Variants in CTNNA2 observed in about 807,000 individuals in gnomAD.
CTNNA2 encodes catenin alpha-2.
A neutral mutation model predicts 101.0 loss-of-function variants in CTNNA2; 42 were observed. The observed-to-expected ratio is 0.42, with a 90% CI of 0.32 to 0.54. The LOEUF (loss-of-function observed/expected upper bound fraction) is 0.54, where lower values mean the gene tolerates loss of function less well. CTNNA2 is among the 20% of genes least tolerant of loss of function. CTNNA2 has a pLI of 0.14. For synonymous variants in CTNNA2, 450 were observed against 456.4 expected (o/e 0.99, Z 0.18); for missense variants, 871 against 1,223.1 (o/e 0.71, Z 4.29).
chr2:79,763,425 C>A (rs1390718668), intron 3 of CTNNA2, among the ~76,000 whole-genome samples: 2 of 152,108 alleles, frequency 1.3e-5, no homozygotes. Flanking sequence ...CTTCTCCATC[C>A]AGAAAATAAC....
intron 2 of CTNNA2, among the ~76,000 whole-genome samples, chr2:79,655,811 A>G (rs1318696759): frequency 6.8e-6 from 1 of 148,070 alleles, no homozygotes; most frequent in East Asian, 2.1e-4. Context: ...CCTGGGCGAC[A>G]GAGCGAGACT....
chr2:79,739,688 A>C (rs1433977232), intron 2 of CTNNA2, among the ~76,000 whole-genome samples: 1 of 152,216 alleles, frequency 6.6e-6, no homozygotes, highest in Non-Finnish European at 1.5e-5. Flanking sequence ...AAAAGTCTAT[A>C]AGTACCATCT....
intron 15 of CTNNA2, among the ~76,000 whole-genome samples, chr2:80,599,769 AT>A (rs943895044): frequency 1.4e-4 from 22 of 151,942 alleles, no homozygotes; most frequent in East Asian, 5.8e-4. Flanking sequence ...GTAGTTCAAA[AT>A]TTTTTTTAAT....
intron 8 of CTNNA2, among the ~76,000 whole-genome samples, chr2:80,399,324 C>T (rs1380686707): frequency 1.3e-5 from 2 of 152,114 alleles, no homozygotes; most frequent in Non-Finnish European, 1.5e-5. Context: ...CAGTTGGAAA[C>T]GGTTCTTGAA....
chr2:79,494,876 C>G (rs1189984939), intron 4 of CTNNA2, among the ~76,000 whole-genome samples: 1 of 151,920 alleles, frequency 6.6e-6, no homozygotes, highest in Non-Finnish European at 1.5e-5. Flanking sequence ...TTTGGGAGGC[C>G]AAGGCGGGCG....
intron 7 of CTNNA2, among the ~76,000 whole-genome samples, chr2:80,146,709 G>GTT (rs1384506245): frequency 1.3e-4 from 9 of 70,462 alleles, no homozygotes; most frequent in Non-Finnish European, 1.9e-4. Context: ...AGTCCCCTCT[G>GTT]GTTTTTTTTT....
chr2:80,606,410 ACACCC>A (rs1698023950), intron 16 of CTNNA2, among the ~76,000 whole-genome samples: 9 of 60,334 alleles, frequency 1.5e-4, no homozygotes, highest in Non-Finnish European at 2.8e-4. Context: ...ACACACACAC[ACACCC>A]CCCAGGATAC....
At chr2:79,872,108 A>G (rs950240392) in intron 5 of CTNNA2, among the ~76,000 whole-genome samples, 14 of 152,250 alleles carry the variant, frequency 9.2e-5, no homozygotes, top group African/African-American at 3.4e-4. Context: ...ATTTAAAATC[A>G]TACTATGCAT....
At chr2:79,766,018 T>G (rs1184113302) in intron 3 of CTNNA2, among the ~76,000 whole-genome samples, 1 of 152,222 alleles carries the variant, frequency 6.6e-6, no homozygotes, top group Admixed American at 6.5e-5. Context: ...TTGTTTTGAT[T>G]GGTTCATGGT....
intron 4 of CTNNA2, among the ~76,000 whole-genome samples, chr2:79,859,314 G>A (rs560121790): frequency 9.2e-5 from 14 of 152,150 alleles, no homozygotes; most frequent in Admixed American, 2.0e-4. Context: ...TAACAAGAGC[G>A]TGCTCTCACC....
At chr2:79,995,918 G>A (rs1029375432) in intron 7 of CTNNA2, among the ~76,000 whole-genome samples, 9 of 152,152 alleles carry the variant, frequency 5.9e-5, no homozygotes, top group African/African-American at 2.2e-4. Context: ...ATTGGGTGGA[G>A]ACTCAATTTT....
At chr2:79,761,010 T>G (rs2105085364) in intron 3 of CTNNA2, among the ~76,000 whole-genome samples, 1 of 152,194 alleles carries the variant, frequency 6.6e-6, no homozygotes, top group East Asian at 1.9e-4. Flanking sequence ...TTGCCAAATA[T>G]TAATGCCAGT....
chr2:79,896,290 A>T (rs1330701860), intron 6 of CTNNA2, among the ~76,000 whole-genome samples: 2 of 151,914 alleles, frequency 1.3e-5, no homozygotes, highest in Non-Finnish European at 2.9e-5. Context: ...GTCTCAAAAA[A>T]AAAAAAGGAG....
chr2:80,237,305 AATAC>A (rs1709598360), intron 7 of CTNNA2, among the ~76,000 whole-genome samples: 4 of 152,330 alleles, frequency 2.6e-5, no homozygotes, highest in Admixed American at 2.6e-4. Flanking sequence ...GTTTGTTCAA[AATAC>A]ATACAGTACC....
intron 4 of CTNNA2, among the ~76,000 whole-genome samples, chr2:79,395,236 A>G (rs972728785): frequency 1.3e-5 from 2 of 151,864 alleles, no homozygotes; most frequent in African/African-American, 4.8e-5. Flanking sequence ...TATTGACAAT[A>G]TTTTCTTTTT....
intron 1 of CTNNA2, among the ~76,000 whole-genome samples, chr2:79,526,925 G>A (rs1288014946): frequency 1.3e-5 from 2 of 152,086 alleles, no homozygotes; most frequent in Non-Finnish European, 2.9e-5. Flanking sequence ...CCTTGGATTA[G>A]GCATTGGTTT....
intron 3 of CTNNA2, among the ~76,000 whole-genome samples, chr2:79,357,917 G>A (rs890355780): frequency 1.3e-5 from 2 of 152,082 alleles, no homozygotes; most frequent in Non-Finnish European, 2.9e-5. Flanking sequence ...ATAGATATGA[G>A]TTCTCCTTTG....
At chr2:79,557,649 GCTTT>G (rs1674527811) in intron 1 of CTNNA2, among the ~76,000 whole-genome samples, 1 of 151,814 alleles carries the variant, frequency 6.6e-6, no homozygotes, top group Non-Finnish European at 1.5e-5. Context: ...GATTTGGCTG[GCTTT>G]CTTCTTTCAA....
At chr2:79,395,498 T>A (rs568380396) in intron 4 of CTNNA2, among the ~76,000 whole-genome samples, 3 of 152,126 alleles carry the variant, frequency 2.0e-5, no homozygotes, top group African/African-American at 7.2e-5. Flanking sequence ...TCATGTAAAA[T>A]GCCAGAAATA....
Sources: gnomAD v4.1 joint callset for allele counts (sites outside exome capture counted in the v4.1 genomes callset) on GRCh38, gnomAD v4.1.1 for gene constraint, MANE v1.5 for transcripts, NCBI Gene and HGNC (gene_info 2026-07-23, HGNC 2026-07-21) for gene names.